Variants in CNTN4 observed in about 807,000 individuals in gnomAD.
CNTN4 encodes the protein contactin 4.
CNTN4 carries 77 observed loss-of-function variants against 122.5 expected under a neutral mutation model. The observed-to-expected ratio is 0.63, with a 90% CI of 0.52 to 0.76. The LOEUF (loss-of-function observed/expected upper bound fraction) is 0.76, where lower values mean the gene tolerates loss of function less well. CNTN4 is among the 30% of genes least tolerant of loss of function. CNTN4 has a pLI of 0.00. For synonymous variants in CNTN4, 512 were observed against 447.0 expected (o/e 1.15, Z -1.83); for missense variants, 1,256 against 1,259.1 (o/e 1.00, Z 0.04).
intron 2 of CNTN4, among the ~76,000 whole-genome samples, chr3:2,311,283 G>C (rs565381710): frequency 6.6e-6 from 1 of 152,102 alleles, no homozygotes; most frequent in Admixed American, 6.6e-5. Flanking sequence ...TTTCCCCCTT[G>C]ATTTGAAATA....
intron 3 of CNTN4, among the ~76,000 whole-genome samples, chr3:2,450,517 C>G (rs563955131): frequency 1.2e-3 from 183 of 152,178 alleles, no homozygotes; most frequent in African/African-American, 3.9e-3. Flanking sequence ...TTGCACTTTG[C>G]AATGGTAGTT....
chr3:2,271,485 T>C (rs1185310583), intron 2 of CNTN4, among the ~76,000 whole-genome samples: 1 of 152,162 alleles, frequency 6.6e-6, no homozygotes, highest in East Asian at 1.9e-4. Flanking sequence ...ATTTCTTCAT[T>C]TGTTAAATAG....
At chr3:2,260,951 A>G (rs1255535061) in intron 2 of CNTN4, among the ~76,000 whole-genome samples, 1 of 151,892 alleles carries the variant, frequency 6.6e-6, no homozygotes, top group Non-Finnish European at 1.5e-5. Flanking sequence ...GGCTGGTCTC[A>G]AAGTCCTTGC....
At chr3:2,383,082 A>T (rs2046091577) in intron 3 of CNTN4, among the ~76,000 whole-genome samples, 1 of 152,156 alleles carries the variant, frequency 6.6e-6, no homozygotes, top group Non-Finnish European at 1.5e-5. Flanking sequence ...TCTCAAAAAA[A>T]AAAAAAAGTA....
chr3:2,934,788 G>A (rs1293790654), intron 13 of CNTN4, among the ~76,000 whole-genome samples: 2 of 152,236 alleles, frequency 1.3e-5, no homozygotes, highest in Admixed American at 6.5e-5. Flanking sequence ...TGGAAATCCT[G>A]CCTTGTAGGC....
intron 4 of CNTN4, among the ~76,000 whole-genome samples, chr3:2,632,162 A>G (rs1366856690): frequency 2.0e-5 from 3 of 152,180 alleles, no homozygotes; most frequent in Non-Finnish European, 4.4e-5. Context: ...CTTAAAAGAC[A>G]GAGACTGTAT....
intron 2 of CNTN4, among the ~76,000 whole-genome samples, chr3:2,161,572 C>T (rs1024044054): frequency 1.3e-5 from 2 of 152,016 alleles, no homozygotes; most frequent in African/African-American, 4.8e-5. Context: ...ACATGAACTC[C>T]AGTCATCATG....
intron 4 of CNTN4, among the ~76,000 whole-genome samples, chr3:2,670,828 G>T (rs1480092932): frequency 8.5e-5 from 13 of 152,084 alleles, no homozygotes; most frequent in South Asian, 2.1e-4. Flanking sequence ...GTCTGTAAAG[G>T]ATTTTATTTC....
chr3:2,213,131 A>C (rs1256526434), intron 2 of CNTN4, among the ~76,000 whole-genome samples: 1 of 152,332 alleles, frequency 6.6e-6, no homozygotes, highest in African/African-American at 2.4e-5. Flanking sequence ...ACTGTTTTAA[A>C]GTATCAGAAA....
intron 14 of CNTN4, among the ~76,000 whole-genome samples, chr3:3,001,718 C>T (rs938258794): frequency 6.6e-6 from 1 of 152,176 alleles, no homozygotes; most frequent in African/African-American, 2.4e-5. Flanking sequence ...GAAAAAAAGC[C>T]AGCTCTTGAT....
intron 3 of CNTN4, among the ~76,000 whole-genome samples, chr3:2,378,484 G>A (rs940653956): frequency 6.6e-6 from 1 of 152,198 alleles, no homozygotes; most frequent in Non-Finnish European, 1.5e-5. Context: ...CCTGGAAAAC[G>A]GGAGAAAGTG....
chr3:2,240,412 G>C (rs1417734185), intron 2 of CNTN4, among the ~76,000 whole-genome samples: 2 of 151,906 alleles, frequency 1.3e-5, no homozygotes, highest in Non-Finnish European at 2.9e-5. Flanking sequence ...ATTATTTTAA[G>C]CTCGTTTTTC....
At chr3:2,748,193 T>C (rs2089899890) in intron 6 of CNTN4, among the ~76,000 whole-genome samples, 1 of 152,198 alleles carries the variant, frequency 6.6e-6, no homozygotes, top group Admixed American at 6.5e-5. Context: ...ACAATAATAT[T>C]TATTTAATCT....
At chr3:2,513,492 C>A (rs957161197) in intron 3 of CNTN4, among the ~76,000 whole-genome samples, 1 of 151,610 alleles carries the variant, frequency 6.6e-6, no homozygotes, top group African/African-American at 2.4e-5. Flanking sequence ...TTTTGAGTTT[C>A]GATTTCTTTT....
intron 4 of CNTN4, among the ~76,000 whole-genome samples, chr3:2,731,178 A>G (rs11129265): frequency 0.44 from 66,705 of 151,948 alleles, 15,750 homozygotes; most frequent in Non-Finnish European, 0.54. Context: ...GCCCAGAGAC[A>G]CTATGTTTTA....
Position 2,980,786 on chromosome 3 carries a change from A to C in CNTN4, c.1359-7559A>C, listed in dbSNP as rs530833867. On this transcript the variant is annotated intron_variant, in intron 13 of 24. Coordinates refer to ENST00000418658, the MANE Select transcript of CNTN4 (RefSeq NM_175607.3). Reference sequence around the variant, plus strand: ...CTTGTGTTGGAGTACACCAGATTTTATAGACAGGCTTGAGGAGGCGGTATC... The same window carrying C: ...CTTGTGTTGGAGTACACCAGATTTTCTAGACAGGCTTGAGGAGGCGGTATC... 4.7e-4 allele frequency among the ~76,000 whole-genome samples: 71 copies of C among 152,312 alleles called. 2 individuals carry two copies. In the South Asian group the frequency reaches 0.013, roughly 29 times the overall value.
intron 5 of CNTN4, among the ~76,000 whole-genome samples, chr3:2,738,870 A>G (rs1003978993): frequency 5.3e-5 from 8 of 152,234 alleles, no homozygotes; most frequent in Admixed American, 5.2e-4. Flanking sequence ...ATATGACAGA[A>G]AAAATACAAC....
intron 13 of CNTN4, among the ~76,000 whole-genome samples, chr3:2,959,904 C>T (rs67070867): frequency 0.19 from 28,691 of 152,084 alleles, 3,033 homozygotes; most frequent in East Asian, 0.41. Context: ...TCAATGAAAA[C>T]ATTTCAAGTC....
chr3:2,883,486 G>A (rs1252970364), intron 9 of CNTN4, among the ~76,000 whole-genome samples: 1 of 152,150 alleles, frequency 6.6e-6, no homozygotes, highest in East Asian at 1.9e-4. Flanking sequence ...AGGAGAATGG[G>A]CAATTCTGAA....
Sources: allele counts gnomAD v4.1 joint callset (sites outside exome capture counted in the v4.1 genomes callset), GRCh38; gene constraint gnomAD v4.1.1; transcripts MANE v1.5; gene names NCBI Gene and HGNC (gene_info 2026-07-23, HGNC 2026-07-21).